Variants in DCTN4 observed in about 807,000 individuals in gnomAD.
DCTN4 encodes the protein dynactin 4 (p62).
DCTN4 carries 23 observed loss-of-function variants against 62.7 expected under a neutral mutation model. That is an observed-to-expected ratio of 0.37 (90% CI 0.26 to 0.52). The LOEUF is 0.52. DCTN4 is among the 20% of genes least tolerant of loss of function. The pLI is 0.92. For missense variants in DCTN4, 514 were observed against 580.4 expected (o/e 0.89, Z 1.18); for synonymous variants, 199 against 202.1 (o/e 0.98, Z 0.13).
chr5:150,742,104 C>A lies in DCTN4; in HGVS notation c.429+10G>T. ...ATTTCATCCTCTCTCTCTTATGACCCTTTACTTACCCGTTGTGTGTGAGGA... is the reference window on the plus strand; with the variant it reads ...ATTTCATCCTCTCTCTCTTATGACCATTTACTTACCCGTTGTGTGTGAGGA... On this transcript the variant is annotated intron_variant, in intron 4 of 12. Transcript: ENST00000447998. 6.2e-7 allele frequency: 1 copy of A among 1,613,558 alleles called. No individual in the cohort carries two copies. Among genetic ancestry groups the A allele is most frequent in the Non-Finnish European group, 8.5e-7 (1 of 1,179,534 alleles).
chr5:150,711,226 C>A lies in DCTN4; in HGVS notation c.1306G>T (p.Glu436Ter). 6.2e-7 allele frequency: 1 copy of A among 1,612,956 alleles called. No homozygotes were observed. The highest frequency in any genetic ancestry group is 8.5e-7 in the Non-Finnish European group (1 of 1,180,036). The change falls in exon 13 of 13, where the codon GAA (glutamate) becomes TAA (stop). Residue 436 changes from glutamate to a stop codon, truncating the protein, a stop_gained. Coordinates refer to ENST00000447998, the MANE Select transcript of DCTN4 (RefSeq NM_016221.4). LOFTEE classifies it high-confidence loss of function. Reference sequence around the variant, plus strand: ...ACTTCTGTTCCCTGGTCACTTTCTTCAATGGGGCGAATGGGGGCTGCCAGG... The same window carrying A: ...ACTTCTGTTCCCTGGTCACTTTCTTAAATGGGGCGAATGGGGGCTGCCAGG... Reference protein sequence around the residue: ...KNLAAPIRPIEESDQGTEVIW... With the variant: ...KNLAAPIRPI
At chr5:150,758,145 C>A (rs1475780661) in intron 1 of DCTN4, 1 of 985,432 alleles carries the variant, frequency 1.0e-6, no homozygotes, top group African/African-American at 1.7e-5. Flanking sequence ...ACTGAATAAA[C>A]AAGATGTGCC....
intron 12 of DCTN4, 131 bp downstream of exon 12, chr5:150,715,434 T>C: frequency 5.8e-6 from 4 of 684,446 alleles, no homozygotes; most frequent in Non-Finnish European, 9.6e-6. Flanking sequence ...TTCCCCAATT[T>C]TCTACAATAA....
At chr5:150,735,424 C>T (rs1217393011) in intron 4 of DCTN4, among the ~76,000 whole-genome samples, 8 of 152,232 alleles carry the variant, frequency 5.3e-5, no homozygotes. Context: ...CTTCACTCTC[C>T]TGCTATCTCC....
intron 4 of DCTN4, among the ~76,000 whole-genome samples, chr5:150,738,513 A>G (rs1345494988): frequency 2.6e-5 from 4 of 152,240 alleles, no homozygotes; most frequent in African/African-American, 9.6e-5. Context: ...AAAAACAAAA[A>G]TCACAGGATC....
At chr5:150,745,037 A>G (rs961853907) in intron 3 of DCTN4, among the ~76,000 whole-genome samples, 1 of 150,856 alleles carries the variant, frequency 6.6e-6, no homozygotes, top group Non-Finnish European at 1.5e-5. Context: ...TGCTGTATTC[A>G]GGAAACCCAT....
intron 3 of DCTN4, among the ~76,000 whole-genome samples, chr5:150,747,331 G>C (rs1434625211): frequency 6.6e-6 from 1 of 152,232 alleles, no homozygotes; most frequent in Non-Finnish European, 1.5e-5. Context: ...TCATGGGTAG[G>C]AAGAATCAAT....
At chr5:150,729,092 A>G (rs192277165) in intron 8 of DCTN4, among the ~76,000 whole-genome samples, 56 of 112,802 alleles carry the variant, frequency 5.0e-4, no homozygotes, top group African/African-American at 1.9e-3. Context: ...ACAGGGTCTC[A>G]CTATGTTGCC....
chr5:150,731,278 T>G (rs2113055751), intron 6 of DCTN4, 122 bp from the exon 7 acceptor site: 1 of 973,492 alleles, frequency 1.0e-6, no homozygotes, highest in Middle Eastern at 2.1e-4. Flanking sequence ...AATATCTGTA[T>G]AGCGTAGGTC....
chr5:150,731,917 C>G (rs1172194654), intron 5 of DCTN4: 2 of 1,551,264 alleles, frequency 1.3e-6, no homozygotes, highest in East Asian at 2.4e-5. Flanking sequence ...CTGTAGAGCC[C>G]CAAAATAGCA....
chr5:150,720,378 AACAC>A (rs565506167), intron 9 of DCTN4, among the ~76,000 whole-genome samples: 1 of 151,974 alleles, frequency 6.6e-6, no homozygotes, highest in South Asian at 2.1e-4. Flanking sequence ...TCTCAAAAAA[AACAC>A]ACACACACAC....
chr5:150,732,804 G>C (rs1760433974), intron 5 of DCTN4, among the ~76,000 whole-genome samples: 1 of 152,128 alleles, frequency 6.6e-6, no homozygotes, highest in Non-Finnish European at 1.5e-5. Flanking sequence ...CTTCTTACTA[G>C]CAGTACGTAA....
intron 8 of DCTN4, 38 bp downstream of exon 8, chr5:150,730,593 C>T (rs1425369219): frequency 1.9e-6 from 3 of 1,577,330 alleles, no homozygotes; most frequent in Non-Finnish European, 1.7e-6. Flanking sequence ...TTGCTTTCCT[C>T]TTGTACAAAT....
At chr5:150,733,541 AC>A (rs1760464582) in intron 4 of DCTN4, 66 bp from the exon 5 acceptor site, 2 of 1,139,406 alleles carry the variant, frequency 1.8e-6, no homozygotes, top group Admixed American at 1.9e-5. Context: ...TTAATCAACT[AC>A]ACTGACTAGA....
In DCTN4 at chr5:150,730,713, T is replaced by G; in HGVS notation, c.752A>C (p.Gln251Pro). The change falls in exon 8 of 13, where the codon CAG becomes CCG. Residue 251 changes from glutamine to proline, a missense_variant. Coordinates refer to ENST00000447998, the MANE Select transcript of DCTN4 (RefSeq NM_016221.4). ...AGCACAGACTGGCTGGAAGTCAGGC[T>G]GTAACAGACGCTGCTGAAGGGTTGT... ...EVTTLQQRLL[Q>P]PDFQPVCASQ... is the part of the protein sequence containing the mutation. 1 of 1,614,146 alleles carries G rather than the reference T, an allele frequency of 6.2e-7. No homozygotes were observed. Among genetic ancestry groups the G allele is most frequent in the East Asian group, 2.2e-5 (1 of 44,884 alleles).
intron 4 of DCTN4, among the ~76,000 whole-genome samples, chr5:150,740,302 C>T (rs890671367): frequency 1.3e-5 from 2 of 151,074 alleles, no homozygotes; most frequent in African/African-American, 4.9e-5. Context: ...AAATGGCCAA[C>T]AAACATATTT....
intron 9 of DCTN4, among the ~76,000 whole-genome samples, 192 bp downstream of exon 9, chr5:150,722,715 C>T (rs564181857): frequency 6.6e-6 from 1 of 152,300 alleles, no homozygotes; most frequent in East Asian, 1.9e-4. Context: ...CCCAATACCC[C>T]TGAATCTATT....
intron 4 of DCTN4, among the ~76,000 whole-genome samples, chr5:150,737,774 C>G (rs1350729697): frequency 6.6e-6 from 1 of 151,712 alleles, no homozygotes; most frequent in African/African-American, 2.4e-5. Flanking sequence ...AAGATGAGAG[C>G]AGAACTAAAT....
intron 11 of DCTN4, among the ~76,000 whole-genome samples, chr5:150,717,494 C>A (rs1759808340): frequency 6.6e-6 from 1 of 152,190 alleles, no homozygotes. Context: ...ATGATCCACT[C>A]ACCTTGGCCT....
Sources: gnomAD v4.1 joint callset for allele counts (sites outside exome capture counted in the v4.1 genomes callset) on GRCh38, gnomAD v4.1.1 for gene constraint, MANE v1.5 for transcripts, NCBI Gene and HGNC (gene_info 2026-07-23, HGNC 2026-07-21) for gene names.